INSC: variants seen among roughly 807,000 people sequenced by gnomAD.
INSC encodes INSC spindle orientation adaptor protein.
INSC carries 67 observed loss-of-function variants against 58.6 expected under a neutral mutation model. The ratio of observed to expected loss-of-function variants is 1.14; its 90% CI spans 0.94 to 1.40. The LOEUF (loss-of-function observed/expected upper bound fraction) is 1.40, where lower values mean the gene tolerates loss of function less well. INSC is among the 40% of genes most tolerant of loss of function. INSC has a pLI of 0.00. For missense variants in INSC, 714 were observed against 692.0 expected (o/e 1.03, Z -0.36); for synonymous variants, 262 against 276.1 (o/e 0.95, Z 0.51).
Position 15,200,810 on chromosome 11 carries a change from C to T in INSC, c.694-14C>T, listed in dbSNP as rs768117764. On this transcript the variant is annotated splice_polypyrimidine_tract_variant and intron_variant, in intron 6 of 12. Coordinates refer to ENST00000379556, the MANE Select transcript of INSC (RefSeq NM_001042536.3). ...CACACAGTAAGATGATGTGACATTT[C>T]TTTCTCTTGGCAGGAGGGTGGGGTC... The T allele has an allele frequency of 6.2e-7, 1 of 1,613,952 alleles. No individual in the cohort carries two copies. The highest frequency in any genetic ancestry group is 8.5e-7 in the Non-Finnish European group (1 of 1,179,958).
intron 9 of INSC, 118 bp downstream of exon 9, chr11:15,225,946 T>C (rs1851621411): frequency 9.9e-7 from 1 of 1,011,754 alleles, no homozygotes; most frequent in South Asian, 1.7e-5. Flanking sequence ...TAGTTTTGCA[T>C]GCTGTAGGAG....
At chr11:15,237,284 TTGGCA>T (rs1320631340) in intron 10 of INSC, among the ~76,000 whole-genome samples, 1 of 151,872 alleles carries the variant, frequency 6.6e-6, no homozygotes, top group Non-Finnish European at 1.5e-5. Context: ...CAGAGGGAGG[TTGGCA>T]TGGTGGTTGA....
In INSC at chr11:15,150,944, C is replaced by T. The variant is rs870642; in HGVS notation, c.56+1714C>T. On this transcript the variant is annotated intron_variant, in intron 2 of 12. Transcript: ENST00000379556. ...TGAGTGGCTGTTTAAGCTGTCTATG[C>T]ACCTGTTTTTTCTTCAACATAGTGG... Among the ~76,000 whole-genome samples, 161 of 152,304 alleles carry T rather than the reference C, an allele frequency of 1.1e-3. 3 individuals carry two copies. The South Asian group carries it at 0.033, about 31-fold the overall frequency.
intron 5 of INSC, 99 bp downstream of exon 5, chr11:15,178,546 T>A: frequency 7.3e-7 from 1 of 1,362,166 alleles, no homozygotes; most frequent in African/African-American, 1.4e-5. Flanking sequence ...GCTACTGATG[T>A]GGACTTTATT....
At chr11:15,121,908 A>G (rs1398131243) in intron 1 of INSC, among the ~76,000 whole-genome samples, 1 of 152,134 alleles carries the variant, frequency 6.6e-6, no homozygotes, top group Non-Finnish European at 1.5e-5. Flanking sequence ...ATGCATCTCC[A>G]TGATTCTCTG....
intron 7 of INSC, among the ~76,000 whole-genome samples, chr11:15,219,250 C>A (rs1851343970): frequency 6.6e-6 from 1 of 152,136 alleles, no homozygotes; most frequent in Admixed American, 6.5e-5. Flanking sequence ...CTTGGAGAAA[C>A]AGGGCCTGTT....
chr11:15,256,013 C>A, the INSC span, among the ~76,000 whole-genome samples: 2 of 152,156 alleles, frequency 1.3e-5, no homozygotes, highest in African/African-American at 4.8e-5. Context: ...CAGACATATC[C>A]CACCATCAAC....
At chr11:15,265,937 G>T in the INSC span, among the ~76,000 whole-genome samples, 1 of 147,006 alleles carries the variant, frequency 6.8e-6, no homozygotes, top group African/African-American at 2.5e-5. Context: ...GAAATCCTTT[G>T]CCTCAGTGAA....
intron 7 of INSC, among the ~76,000 whole-genome samples, chr11:15,211,248 T>A (rs544059903): frequency 6.6e-6 from 1 of 152,368 alleles, no homozygotes; most frequent in East Asian, 1.9e-4. Flanking sequence ...AACTTGAGTG[T>A]ACCGTCCTCT....
intron 1 of INSC, among the ~76,000 whole-genome samples, chr11:15,145,812 A>T (rs1374974171): frequency 3.9e-5 from 6 of 152,164 alleles, no homozygotes; most frequent in Non-Finnish European, 8.8e-5. Context: ...CAGTCAAGGA[A>T]GTGGGAGCAG....
At chr11:15,198,946 G>A (rs149345769) in intron 6 of INSC, among the ~76,000 whole-genome samples, 30 of 152,200 alleles carry the variant, frequency 2.0e-4, no homozygotes, top group African/African-American at 6.7e-4. Flanking sequence ...AAGTAATTAC[G>A]TGCACTTAAA....
chr11:15,164,932 A>G (rs140111063), intron 2 of INSC, among the ~76,000 whole-genome samples: 139 of 152,286 alleles, frequency 9.1e-4, no homozygotes, highest in African/African-American at 3.1e-3. Flanking sequence ...GCCTTCTGCT[A>G]TGATTGTGAG....
chr11:15,172,310 G>A (rs909808763), intron 2 of INSC, among the ~76,000 whole-genome samples: 4 of 152,066 alleles, frequency 2.6e-5, no homozygotes, highest in African/African-American at 9.7e-5. Flanking sequence ...TGTCAATCTC[G>A]GGGCACTCTC....
In INSC at chr11:15,244,382, G is replaced by A. The variant is rs1054000521; in HGVS notation, c.1471-1530G>A. ...TGCTCATTAATGCACAGAGACACAC[G>A]CTCCTTCTCTTTGACCTGGCCTGGA... On this transcript the variant is annotated intron_variant, in intron 12 of 12. Transcript: ENST00000379556. Among the ~76,000 whole-genome samples the A allele has an allele frequency of 4.6e-5, 7 of 152,254 alleles. No homozygotes were observed. In the South Asian group the frequency reaches 6.2e-4, roughly 14 times the overall value.
rs138936913 is a variant in INSC at position 15,182,583 on chromosome 11, A to G, written c.579+4136A>G. On this transcript the variant is annotated intron_variant, in intron 5 of 12. Coordinates refer to ENST00000379556, the MANE Select transcript of INSC (RefSeq NM_001042536.3). Reference sequence around the variant, plus strand: ...ACTTGCTTGATTTGCATTCTTTCCCATTCAGCATATTCAAAACATCTTAAT... The same window carrying G: ...ACTTGCTTGATTTGCATTCTTTCCCGTTCAGCATATTCAAAACATCTTAAT... 3.4e-4 allele frequency among the ~76,000 whole-genome samples: 52 copies of G among 152,236 alleles called. No individual in the cohort carries two copies. The East Asian group carries it at 9.5e-3, about 28-fold the overall frequency.
chr11:15,112,574 C>T, upstream of INSC: 1 of 1,472,042 alleles, frequency 6.8e-7, no homozygotes, highest in Non-Finnish European at 9.1e-7. Context: ...CCGTATGTAT[C>T]TGGGAAGGTG....
upstream of INSC, among the ~76,000 whole-genome samples, chr11:15,114,743 T>TC: frequency 6.6e-6 from 1 of 152,080 alleles, no homozygotes; most frequent in Non-Finnish European, 1.5e-5. Flanking sequence ...AGCCTCGTAG[T>TC]CCCGCGGAGA....
chr11:15,158,535 C>A (rs185719271), intron 2 of INSC, among the ~76,000 whole-genome samples: 3 of 152,068 alleles, frequency 2.0e-5, no homozygotes, highest in Admixed American at 6.5e-5. Flanking sequence ...TATTCCCAGG[C>A]GAAGTCAGGC....
intron 2 of INSC, among the ~76,000 whole-genome samples, chr11:15,170,024 T>G (rs138112954): frequency 4.6e-5 from 7 of 152,350 alleles, no homozygotes; most frequent in African/African-American, 1.4e-4. Context: ...ATAAAATTGC[T>G]TAATACTTGC....
Sources: allele counts gnomAD v4.1 joint callset (sites outside exome capture counted in the v4.1 genomes callset), GRCh38; gene constraint gnomAD v4.1.1; transcripts MANE v1.5; gene names NCBI Gene and HGNC (gene_info 2026-07-23, HGNC 2026-07-21).